CHN1: variants seen among roughly 807,000 people sequenced by gnomAD.
The protein encoded by CHN1 is chimerin 1, also known as N-chimaerin.
Under a neutral mutation model 59.5 loss-of-function variants are expected in CHN1, and 37 were observed. The observed-to-expected ratio is 0.62, with a 90% CI of 0.48 to 0.82. The LOEUF (loss-of-function observed/expected upper bound fraction) is 0.82, where lower values mean the gene tolerates loss of function less well. CHN1 is among the 40% of genes least tolerant of loss of function. The pLI, the probability that CHN1 is intolerant of heterozygous loss-of-function variation, is 0.00. For synonymous variants in CHN1, 206 were observed against 200.4 expected (o/e 1.03, Z -0.24); for missense variants, 469 against 571.0 (o/e 0.82, Z 1.82).
chr2:174,994,349 G>A (rs372083201), intron 1 of CHN1, among the ~76,000 whole-genome samples: 136 of 152,270 alleles, frequency 8.9e-4, no homozygotes, highest in African/African-American at 3.1e-3. Context: ...AGAAAATGAC[G>A]AAAGGAAAAC....
chr2:174,950,059 G>C (rs1411442376), intron 2 of CHN1, among the ~76,000 whole-genome samples: 2 of 151,998 alleles, frequency 1.3e-5, no homozygotes, highest in Non-Finnish European at 2.9e-5. Context: ...TCGGGAGTTG[G>C]AGACCTTCCT....
intron 1 of CHN1, among the ~76,000 whole-genome samples, chr2:174,997,060 C>G (rs1691732610): frequency 6.6e-6 from 1 of 152,196 alleles, no homozygotes; most frequent in South Asian, 2.1e-4. Flanking sequence ...CTGTCTCCCT[C>G]CACTGCAAAT....
chr2:174,948,075 T>A (rs1164445917), intron 2 of CHN1, among the ~76,000 whole-genome samples: 1 of 152,174 alleles, frequency 6.6e-6, no homozygotes, highest in Admixed American at 6.5e-5. Flanking sequence ...TTAATGAAAT[T>A]CTCAATCCCT....
At chr2:174,974,946 C>A (rs774374215) in intron 1 of CHN1, among the ~76,000 whole-genome samples, 15 of 136,790 alleles carry the variant, frequency 1.1e-4, no homozygotes, top group Non-Finnish European at 2.2e-4. Flanking sequence ...CAGAACAAAT[C>A]GACACAAGCT....
intron 5 of CHN1, among the ~76,000 whole-genome samples, chr2:174,914,471 A>G (rs1293264761): frequency 6.6e-6 from 1 of 152,186 alleles, no homozygotes; most frequent in African/African-American, 2.4e-5. Flanking sequence ...TATTCAAGAA[A>G]TTGACGGAAG....
chr2:174,959,724 T>C (rs1374591289), intron 1 of CHN1, among the ~76,000 whole-genome samples: 1 of 152,190 alleles, frequency 6.6e-6, no homozygotes, highest in Non-Finnish European at 1.5e-5. Context: ...ACAAAAAGCT[T>C]CTGCGTTTAT....
Position 174,824,521 on chromosome 2 carries a change from GA to G in CHN1, c.628-4del, listed in dbSNP as rs375494218. ...TGTGGCCCTCTGAATGTATGCACCT[GA>G]AAAAAAAAAAGAGGGGCAAAGTCAG... On this transcript the variant is annotated splice_region_variant and splice_polypyrimidine_tract_variant and intron_variant, in intron 7 of 12. Coordinates refer to ENST00000409900, the MANE Select transcript of CHN1 (RefSeq NM_001822.7). The G allele has an allele frequency of 0.019, 22,500 of 1,157,684 alleles. No individual in the cohort carries two copies. Among genetic ancestry groups the G allele is most frequent in the East Asian group, 0.026 (788 of 30,666 alleles). The allele number at this position is 1,157,684 out of a possible 1,614,324, so 71.7% of individuals were successfully genotyped here. A position where few individuals can be genotyped will look rare whatever the true frequency, so the allele number is the denominator to read the frequency against.
intron 7 of CHN1, among the ~76,000 whole-genome samples, chr2:174,828,425 C>T (rs888493897): frequency 2.0e-5 from 3 of 152,264 alleles, no homozygotes; most frequent in South Asian, 2.1e-4. Context: ...TTTACATTAT[C>T]GGTGATGTTT....
intron 1 of CHN1, among the ~76,000 whole-genome samples, chr2:174,978,922 T>C (rs757905982): frequency 4.6e-5 from 7 of 152,220 alleles, no homozygotes; most frequent in Middle Eastern, 3.2e-3. Flanking sequence ...ATCAATCAGA[T>C]AAAATCTCAT....
intron 3 of CHN1, among the ~76,000 whole-genome samples, chr2:174,933,110 G>T (rs1362824516): frequency 6.6e-6 from 1 of 152,168 alleles, no homozygotes; most frequent in African/African-American, 2.4e-5. Context: ...TTTTGAACAG[G>T]CTATTTCTGT....
chr2:174,871,504 C>G (rs751844988), intron 6 of CHN1, among the ~76,000 whole-genome samples: 1 of 152,012 alleles, frequency 6.6e-6, no homozygotes, highest in Non-Finnish European at 1.5e-5. Flanking sequence ...CTCAAGGTGT[C>G]GAGTCACAAA....
At chr2:174,801,252 T>A (rs996306108) in intron 12 of CHN1, among the ~76,000 whole-genome samples, 1 of 152,220 alleles carries the variant, frequency 6.6e-6, no homozygotes, top group Non-Finnish European at 1.5e-5. Context: ...GTTTGCAGTG[T>A]TGGCAACAAT....
At chr2:174,812,797 A>C (rs975481331) in intron 8 of CHN1, among the ~76,000 whole-genome samples, 1 of 152,196 alleles carries the variant, frequency 6.6e-6, no homozygotes. Context: ...AATAGCCAAA[A>C]AAAAAACCCA....
At chr2:174,847,995 A>G (rs1321542651) in intron 6 of CHN1, among the ~76,000 whole-genome samples, 1 of 152,156 alleles carries the variant, frequency 6.6e-6, no homozygotes, top group Non-Finnish European at 1.5e-5. Context: ...TTAGCTAACC[A>G]AAACCCAATT....
chr2:174,986,327 CA>C lies in CHN1; in HGVS notation c.19+18566del, dbSNP rs1244964920. ...CCTTTGTTTTTCATAAAATATAAAC[CA>C]AAAAAGTTACCAAGAATTCTAAAAT... is the stretch of plus-strand genomic sequence containing the variant. On this transcript the variant is annotated intron_variant, in intron 1 of 12. Transcript: ENST00000409900. Among the ~76,000 whole-genome samples, 9 of 151,896 alleles carry C rather than the reference CA, an allele frequency of 5.9e-5. No homozygotes were observed. In the South Asian group the frequency reaches 1.9e-3, roughly 32 times the overall value.
intron 1 of CHN1, among the ~76,000 whole-genome samples, chr2:174,982,494 C>A (rs1240415036): frequency 6.6e-6 from 1 of 152,192 alleles, no homozygotes; most frequent in African/African-American, 2.4e-5. Flanking sequence ...GCCATTCTAA[C>A]TGGTGTGAGA....
At position 174,955,657 on chromosome 2, in the gene CHN1, T is replaced by C. The variant is rs143314858; in HGVS notation, c.20-3455A>G. 6.5e-3 allele frequency among the ~76,000 whole-genome samples: 983 copies of C among 150,990 alleles called. 16 individuals carry two copies. Among genetic ancestry groups the C allele is most frequent in the African/African-American group, 0.023 (934 of 41,030 alleles). On this transcript the variant is annotated intron_variant, in intron 1 of 12. Coordinates refer to ENST00000409900, the MANE Select transcript of CHN1 (RefSeq NM_001822.7). ...ATAAATAAATTGAAAAACAAACAAA[T>C]GAAAAATAAAATAAAATAAAATGTG... is the stretch of plus-strand genomic sequence containing the variant.
chr2:174,973,794 G>T (rs1244691679), intron 1 of CHN1, among the ~76,000 whole-genome samples: 12 of 152,128 alleles, frequency 7.9e-5, no homozygotes, highest in Admixed American at 5.9e-4. Flanking sequence ...ACGTCAATTG[G>T]ACAAATGAAT....
At chr2:174,867,497 C>T (rs1349759315) in intron 6 of CHN1, among the ~76,000 whole-genome samples, 4 of 152,068 alleles carry the variant, frequency 2.6e-5, no homozygotes, top group Non-Finnish European at 5.9e-5. Flanking sequence ...GAGTTTCTCT[C>T]TTTCTACTCC....
Sources: allele counts gnomAD v4.1 joint callset (sites outside exome capture counted in the v4.1 genomes callset), GRCh38; gene constraint gnomAD v4.1.1; transcripts MANE v1.5; gene names NCBI Gene and HGNC (gene_info 2026-07-23, HGNC 2026-07-21).